The following SPOCK1 variants were observed in gnomAD, a reference collection of about 807,000 sequenced individuals.
SPOCK1 encodes the protein SPARC (osteonectin), cwcv and kazal like domains proteoglycan 1.
In SPOCK1, 23 loss-of-function variants were observed where a neutral mutation model predicts 55.3. The observed-to-expected ratio is 0.42, with a 90% CI of 0.30 to 0.59. The LOEUF (loss-of-function observed/expected upper bound fraction) is 0.59. Among genes scored for constraint, SPOCK1 ranks in the 20% least tolerant of loss-of-function variants. The pLI is 0.22. For synonymous variants in SPOCK1, 226 were observed against 221.0 expected (o/e 1.02, Z -0.20); for missense variants, 499 against 552.5 (o/e 0.90, Z 0.97).
chr5:137,399,192 T>G (rs2127183070), intron 2 of SPOCK1, among the ~76,000 whole-genome samples: 1 of 152,332 alleles, frequency 6.6e-6, no homozygotes, highest in Non-Finnish European at 1.5e-5. Context: ...TTGAAATATG[T>G]CAGCAGTGGG....
chr5:137,121,086 T>C (rs867500464), intron 4 of SPOCK1, among the ~76,000 whole-genome samples: 4 of 152,196 alleles, frequency 2.6e-5, no homozygotes, highest in African/African-American at 2.4e-5. Flanking sequence ...TCTACAGTCT[T>C]TACTTTTTCA....
intron 2 of SPOCK1, among the ~76,000 whole-genome samples, chr5:137,440,628 T>C (rs1313079419): frequency 6.6e-6 from 1 of 152,242 alleles, no homozygotes; most frequent in African/African-American, 2.4e-5. Flanking sequence ...GAACTCAGAA[T>C]CAAATTTTGA....
chr5:137,148,294 T>A (rs773406552), intron 3 of SPOCK1, among the ~76,000 whole-genome samples: 4 of 152,216 alleles, frequency 2.6e-5, no homozygotes, highest in Non-Finnish European at 4.4e-5. Flanking sequence ...CAAGACATTA[T>A]GAGCAACCAC....
At chr5:137,285,439 G>T (rs1757245707) in intron 2 of SPOCK1, among the ~76,000 whole-genome samples, 1 of 152,156 alleles carries the variant, frequency 6.6e-6, no homozygotes, top group African/African-American at 2.4e-5. Flanking sequence ...ATGTGAACAA[G>T]TCCCTTAACA....
chr5:137,497,133 GC>G (rs1430248590), intron 2 of SPOCK1, among the ~76,000 whole-genome samples: 1 of 152,136 alleles, frequency 6.6e-6, no homozygotes, highest in African/African-American at 2.4e-5. Flanking sequence ...TCCCTGCAAG[GC>G]CTGCAGATAC....
chr5:137,193,574 T>C (rs1339402389), intron 3 of SPOCK1, among the ~76,000 whole-genome samples: 3 of 152,156 alleles, frequency 2.0e-5, no homozygotes, highest in Non-Finnish European at 2.9e-5. Context: ...GCAGTCACCA[T>C]AGAATATCAC....
chr5:137,162,131 C>CTTTTTTTTTT (rs566233599), intron 3 of SPOCK1, among the ~76,000 whole-genome samples: 2 of 131,814 alleles, frequency 1.5e-5, no homozygotes, highest in African/African-American at 2.8e-5. Context: ...CTAATGCTTT[C>CTTTTTTTTTT]TTTTTTTTTT....
chr5:137,240,804 A>T (rs2127099876), intron 3 of SPOCK1, among the ~76,000 whole-genome samples: 1 of 152,352 alleles, frequency 6.6e-6, no homozygotes, highest in Non-Finnish European at 1.5e-5. Context: ...AGCATATCAG[A>T]CAGTATAACA....
At chr5:137,221,567 A>G (rs1755848765) in intron 3 of SPOCK1, among the ~76,000 whole-genome samples, 2 of 152,190 alleles carry the variant, frequency 1.3e-5, no homozygotes, top group Non-Finnish European at 2.9e-5. Context: ...CTTCGATGAG[A>G]TATTTTCAGT....
chr5:137,175,985 T>C (rs1197277136), intron 3 of SPOCK1, among the ~76,000 whole-genome samples: 1 of 152,184 alleles, frequency 6.6e-6, no homozygotes, highest in East Asian at 1.9e-4. Flanking sequence ...TGCCCACATG[T>C]ATTTTTGGCT....
At chr5:137,480,612 C>T (rs894505714) in intron 2 of SPOCK1, among the ~76,000 whole-genome samples, 2 of 152,138 alleles carry the variant, frequency 1.3e-5, no homozygotes, top group African/African-American at 2.4e-5. Flanking sequence ...ACTGAATGGC[C>T]AAATGGCCCA....
chr5:137,339,684 C>T (rs577431294), intron 2 of SPOCK1, among the ~76,000 whole-genome samples: 19 of 152,044 alleles, frequency 1.2e-4, no homozygotes, highest in South Asian at 6.3e-4. Flanking sequence ...AGAGTCCAGA[C>T]GGGTACACAT....
At chr5:137,104,388 C>T (rs904062266) in intron 5 of SPOCK1, among the ~76,000 whole-genome samples, 3 of 152,172 alleles carry the variant, frequency 2.0e-5, no homozygotes, top group Admixed American at 6.5e-5. Flanking sequence ...TCAATTAAAC[C>T]TCTTTTTTAA....
intron 2 of SPOCK1, among the ~76,000 whole-genome samples, chr5:137,359,650 A>G (rs1750897689): frequency 6.6e-6 from 1 of 152,244 alleles, no homozygotes; most frequent in Admixed American, 6.5e-5. Flanking sequence ...TTTGCTAATG[A>G]AAAGTCATTT....
chr5:137,074,459 T>C (rs968338514), intron 5 of SPOCK1, among the ~76,000 whole-genome samples: 2 of 152,208 alleles, frequency 1.3e-5, no homozygotes, highest in Non-Finnish European at 2.9e-5. Context: ...TACGTATGTA[T>C]ATACAGAAAG....
intron 2 of SPOCK1, among the ~76,000 whole-genome samples, chr5:137,403,454 A>G (rs761711257): frequency 2.0e-5 from 3 of 152,240 alleles, no homozygotes; most frequent in Non-Finnish European, 4.4e-5. Context: ...CCTTGCCATC[A>G]TCAAATTCAC....
At chr5:137,071,662 A>G (rs1752617507) in intron 5 of SPOCK1, among the ~76,000 whole-genome samples, 1 of 152,052 alleles carries the variant, frequency 6.6e-6, no homozygotes, top group South Asian at 2.1e-4. Context: ...CTCCCAGAAA[A>G]CTCCATGAGC....
At chr5:137,199,399 C>A (rs983915219) in intron 3 of SPOCK1, among the ~76,000 whole-genome samples, 8 of 152,096 alleles carry the variant, frequency 5.3e-5, no homozygotes, top group Non-Finnish European at 1.2e-4. Flanking sequence ...TAAGTTCGGG[C>A]TGGTTAGAAA....
At chr5:137,030,753 T>G (rs1434053479) in intron 6 of SPOCK1, among the ~76,000 whole-genome samples, 1 of 152,198 alleles carries the variant, frequency 6.6e-6, no homozygotes, top group Non-Finnish European at 1.5e-5. Flanking sequence ...TAGCCATTTA[T>G]CCTATCAAAG....
Sources: allele counts gnomAD v4.1 joint callset (sites outside exome capture counted in the v4.1 genomes callset), GRCh38; gene constraint gnomAD v4.1.1; transcripts MANE v1.5; gene names NCBI Gene and HGNC (gene_info 2026-07-23, HGNC 2026-07-21).